Variants in PTDSS1 observed in about 807,000 individuals in gnomAD.
PTDSS1 encodes the protein PSS-1.
A neutral mutation model predicts 70.5 loss-of-function variants in PTDSS1; 45 were observed. The ratio of observed to expected loss-of-function variants is 0.64; its 90% confidence interval spans 0.50 to 0.82. The LOEUF (loss-of-function observed/expected upper bound fraction) is 0.82, where lower values mean the gene tolerates loss of function less well. PTDSS1 is among the 40% of genes least tolerant of loss of function. The pLI, the probability that PTDSS1 is intolerant of heterozygous loss-of-function variation, is 0.00. For missense variants in PTDSS1, 417 were observed against 586.1 expected, an observed-to-expected ratio of 0.71 and a Z score of 2.98; for synonymous variants, 188 against 203.8, an observed-to-expected ratio of 0.92 and a Z score of 0.66.
intron 9 of PTDSS1, among the ~76,000 whole-genome samples, chr8:96,317,877 C>CTGTG (rs1811316967): frequency 1.5e-5 from 2 of 132,406 alleles, no homozygotes; most frequent in Admixed American, 1.6e-4. Context: ...GCTTTTGTTT[C>CTGTG]AGTGTGTGTG....
At chr8:96,317,658 C>G (rs1811314369) in intron 9 of PTDSS1, among the ~76,000 whole-genome samples, 1 of 151,940 alleles carries the variant, frequency 6.6e-6, no homozygotes, top group African/African-American at 2.4e-5. Context: ...TTGCTTGAGC[C>G]TGGGAAGTGG....
intron 2 of PTDSS1, among the ~76,000 whole-genome samples, chr8:96,280,917 G>A (rs767202590): frequency 2.1e-4 from 32 of 152,180 alleles, no homozygotes; most frequent in Admixed American, 3.9e-4. Flanking sequence ...CACTGAGAAA[G>A]TAGTCAATAG....
At chr8:96,288,625 C>A (rs920869898) in intron 4 of PTDSS1, among the ~76,000 whole-genome samples, 1 of 84,648 alleles carries the variant, frequency 1.2e-5, no homozygotes, top group Non-Finnish European at 2.1e-5. Context: ...CACGCTTGGC[C>A]TTTTTTTTTT....
At chr8:96,317,568 C>T (rs553215348) in intron 9 of PTDSS1, among the ~76,000 whole-genome samples, 7 of 151,866 alleles carry the variant, frequency 4.6e-5, no homozygotes, top group Non-Finnish European at 7.4e-5. Flanking sequence ...AACCCCGTCT[C>T]TACAAAAAAT....
Position 96,334,379 on chromosome 8 carries a change from G to A in PTDSS1, c.*813G>A, listed in dbSNP as rs556378703. 3.3e-5 allele frequency: 5 copies of A among 152,870 alleles called. No homozygotes were observed. Among genetic ancestry groups the A allele is most frequent in the African/African-American group, 7.2e-5 (3 of 41,566 alleles). 9.5% of individuals were successfully genotyped at this position (152,870 alleles called of 1,614,324 possible). A position where few individuals can be genotyped will look rare whatever the true frequency, so the allele number is the denominator to read the frequency against. ...TCCCCAGCTAGGTGCCTTTTACATCGGGTTTGTTCTCCTTCCATGGTGTGT... is the reference window on the plus strand; with the variant it reads ...TCCCCAGCTAGGTGCCTTTTACATCAGGTTTGTTCTCCTTCCATGGTGTGT... On this transcript the variant is annotated 3_prime_UTR_variant, in exon 13 of 13. Transcript: ENST00000517309.
intron 10 of PTDSS1, among the ~76,000 whole-genome samples, chr8:96,323,815 T>C (rs1811403836): frequency 6.6e-6 from 1 of 152,222 alleles, no homozygotes; most frequent in Non-Finnish European, 1.5e-5. Context: ...GCCCCACCCT[T>C]AGTGTTTGGA....
intron 4 of PTDSS1, among the ~76,000 whole-genome samples, chr8:96,290,883 A>G (rs1408394529): frequency 6.8e-6 from 1 of 147,908 alleles, no homozygotes; most frequent in African/African-American, 2.5e-5. Flanking sequence ...TTCATAAAAT[A>G]TATATTATAA....
chr8:96,268,089 C>G (rs1810513496), intron 1 of PTDSS1, among the ~76,000 whole-genome samples: 2 of 152,152 alleles, frequency 1.3e-5, no homozygotes, highest in African/African-American at 2.4e-5. Context: ...TGAGTCATCC[C>G]AGGATAGACA....
chr8:96,270,248 C>T (rs1810545825), intron 1 of PTDSS1, among the ~76,000 whole-genome samples: 1 of 152,118 alleles, frequency 6.6e-6, no homozygotes, highest in African/African-American at 2.4e-5. Context: ...CATGCAAAGC[C>T]ACTAGAATAT....
At position 96,333,641 on chromosome 8, in the gene PTDSS1, G is replaced by T. The variant is rs77840491; in HGVS notation, c.*75G>T. On this transcript the variant is annotated 3_prime_UTR_variant, in exon 13 of 13. Coordinates refer to ENST00000517309, the MANE Select transcript of PTDSS1 (RefSeq NM_014754.3). Reference sequence around the variant, plus strand: ...AAATGGAACTCATTTGGAACTCCCCGTGAGGAGGTCGAGGCGCACAGGGCA... The same window carrying T: ...AAATGGAACTCATTTGGAACTCCCCTTGAGGAGGTCGAGGCGCACAGGGCA... 1.4e-6 allele frequency: 2 copies of T among 1,428,506 alleles called. No individual in the cohort carries two copies. The highest frequency in any genetic ancestry group is 1.1e-5 in the South Asian group (1 of 87,196). The allele number at this position is 1,428,506 out of a possible 1,614,324, so 88.5% of individuals were successfully genotyped here.
intron 5 of PTDSS1, among the ~76,000 whole-genome samples, chr8:96,297,046 C>T (rs1303534468): frequency 6.6e-6 from 1 of 152,228 alleles, no homozygotes; most frequent in Non-Finnish European, 1.5e-5. Flanking sequence ...CAGACCTCTG[C>T]TCCCACCTGT....
At chr8:96,323,810 A>C (rs1431885449) in intron 10 of PTDSS1, among the ~76,000 whole-genome samples, 1 of 151,932 alleles carries the variant, frequency 6.6e-6, no homozygotes, top group Non-Finnish European at 1.5e-5. Flanking sequence ...ACGTGGCCCC[A>C]CCCTTAGTGT....
At chr8:96,330,815 G>A (rs1425978175) in intron 11 of PTDSS1, 2 of 551,290 alleles carry the variant, frequency 3.6e-6, no homozygotes, top group Non-Finnish European at 6.4e-6. Context: ...AGAACTTAAG[G>A]CATGTTGTGG....
intron 10 of PTDSS1, among the ~76,000 whole-genome samples, chr8:96,326,660 T>A (rs192424304): frequency 6.6e-6 from 1 of 152,340 alleles, no homozygotes; most frequent in East Asian, 1.9e-4. Flanking sequence ...CAGGGTCCCC[T>A]GCTTAGGAAG....
intron 9 of PTDSS1, among the ~76,000 whole-genome samples, chr8:96,317,259 C>T (rs1288588759): frequency 6.6e-6 from 1 of 151,888 alleles, no homozygotes; most frequent in African/African-American, 2.4e-5. Flanking sequence ...TTTCCCATGC[C>T]CAGGCCTCAG....
intron 10 of PTDSS1, 102 bp from the exon 11 acceptor site, chr8:96,330,111 G>A (rs1429243887): frequency 1.8e-5 from 20 of 1,127,804 alleles, no homozygotes; most frequent in Middle Eastern, 2.0e-4. Flanking sequence ...GCGTCCAGAC[G>A]GCAGAAATGC....
At chr8:96,295,585 A>G (rs1352989556) in intron 5 of PTDSS1, among the ~76,000 whole-genome samples, 1 of 152,244 alleles carries the variant, frequency 6.6e-6, no homozygotes, top group Non-Finnish European at 1.5e-5. Context: ...TCAATAGATC[A>G]GTTGACCTAC....
chr8:96,292,474 G>A (rs1810921814), intron 4 of PTDSS1, among the ~76,000 whole-genome samples: 1 of 151,942 alleles, frequency 6.6e-6, no homozygotes, highest in African/African-American at 2.4e-5. Context: ...GGGGTGTGGG[G>A]AGCTGGGACC....
intron 12 of PTDSS1, among the ~76,000 whole-genome samples, chr8:96,331,804 C>A (rs533806190): frequency 6.6e-6 from 1 of 151,948 alleles, no homozygotes; most frequent in Admixed American, 6.6e-5. Context: ...GTAACCCCAG[C>A]GCTTTGGGAT....
Sources: gnomAD v4.1 joint callset for allele counts (sites outside exome capture counted in the v4.1 genomes callset) on GRCh38, gnomAD v4.1.1 for gene constraint, MANE v1.5 for transcripts, NCBI Gene and HGNC (gene_info 2026-07-23, HGNC 2026-07-21) for gene names.